The following PCDHGB5 variants were observed in gnomAD, a reference collection of about 807,000 sequenced individuals.
PCDHGB5 encodes the protein protocadherin gamma-B5.
In PCDHGB5, 48 loss-of-function variants were observed where a neutral mutation model predicts 62.9. That is an observed-to-expected ratio of 0.76 (90% CI 0.61 to 0.97). PCDHGB5 has a LOEUF of 0.97. Ranked by LOEUF, PCDHGB5 falls within the 50% of genes least tolerant of loss-of-function variation. The pLI, the probability that PCDHGB5 is intolerant of heterozygous loss-of-function variation, is 0.00. For missense variants in PCDHGB5, 1,118 were observed against 1,198.6 expected (o/e 0.93, Z 0.99); for synonymous variants, 474 against 511.2 (o/e 0.93, Z 0.98).
At chr5:141,462,035 C>T (rs35674654) in intron 1 of PCDHGB5, among the ~76,000 whole-genome samples, 14,886 of 152,176 alleles carry the variant, frequency 0.098, 964 homozygotes, top group Non-Finnish European at 0.14. Context: ...GTTGGTCAGG[C>T]GGGTCTTGAA....
chr5:141,484,603 G>T (rs1460433183), intron 1 of PCDHGB5, among the ~76,000 whole-genome samples: 1 of 152,008 alleles, frequency 6.6e-6, no homozygotes, highest in Non-Finnish European at 1.5e-5. Context: ...TAGAATACTG[G>T]TTGATGACAA....
intron 1 of PCDHGB5, chr5:141,422,357 C>T: frequency 6.4e-7 from 1 of 1,557,656 alleles, no homozygotes; most frequent in South Asian, 1.3e-5. Context: ...GATCAAGATT[C>T]TGGAGAAAAT....
intron 1 of PCDHGB5, chr5:141,428,251 T>C (rs761574102): frequency 1.1e-5 from 10 of 893,496 alleles, no homozygotes; most frequent in Middle Eastern, 2.1e-4. Flanking sequence ...ACTGCCAGAC[T>C]TCAGTGACAG....
At chr5:141,430,383 G>A (rs527531595) in intron 1 of PCDHGB5, among the ~76,000 whole-genome samples, 74 of 138,604 alleles carry the variant, frequency 5.3e-4, no homozygotes, top group Admixed American at 8.6e-4. Flanking sequence ...AGCTCATTGG[G>A]AAAAAAAAAA....
intron 1 of PCDHGB5, chr5:141,413,972 T>G: frequency 6.2e-7 from 1 of 1,613,420 alleles, no homozygotes; most frequent in Non-Finnish European, 8.5e-7. Context: ...ACTCAGCTGC[T>G]GACAGTCACA....
At chr5:141,419,151 C>T (rs2096335413) in intron 1 of PCDHGB5, 2 of 1,613,800 alleles carry the variant, frequency 1.2e-6, no homozygotes, top group African/African-American at 2.7e-5. Context: ...GGCAAGCCTC[C>T]GTTATCCTCC....
chr5:141,478,327 A>G lies in PCDHGB5; in HGVS notation c.2398-16480A>G, dbSNP rs149317962. The G allele has an allele frequency of 9.9e-6, 16 of 1,613,974 alleles. No homozygotes were observed. The African/African-American group carries it at 2.0e-4, about 20-fold the overall frequency. The stretch of plus-strand genomic sequence containing the variant: ...CCCCGGTGAGCTCACTGTACCGAAC[A>G]CCAGGGCCCTCCTTGCACGCGGACG... On this transcript the variant is annotated intron_variant, in intron 1 of 3. Transcript: ENST00000617380.
intron 2 of PCDHGB5, among the ~76,000 whole-genome samples, chr5:141,505,113 G>A (rs1254889990): frequency 6.6e-6 from 1 of 152,178 alleles, no homozygotes; most frequent in East Asian, 1.9e-4. Context: ...AATGAGCCAA[G>A]ATCGCGCCAC....
intron 1 of PCDHGB5, among the ~76,000 whole-genome samples, chr5:141,433,482 C>T (rs935076625): frequency 3.3e-5 from 5 of 152,110 alleles, no homozygotes; most frequent in African/African-American, 9.6e-5. Flanking sequence ...TAGCCTCCTG[C>T]TTCTCCCTCC....
intron 1 of PCDHGB5, among the ~76,000 whole-genome samples, chr5:141,401,851 T>C (rs902809229): frequency 3.9e-5 from 6 of 152,242 alleles, no homozygotes; most frequent in African/African-American, 1.4e-4. Context: ...CACTTACTTT[T>C]AACCTTTCAG....
At chr5:141,450,982 A>G (rs746572732) in intron 1 of PCDHGB5, among the ~76,000 whole-genome samples, 18 of 151,360 alleles carry the variant, frequency 1.2e-4, no homozygotes, top group Non-Finnish European at 1.9e-4. Context: ...GTGCCACCAC[A>G]CCCGGCTAAT....
At chr5:141,422,379 C>G (rs2096644662) in intron 1 of PCDHGB5, 1 of 1,576,826 alleles carries the variant, frequency 6.3e-7, no homozygotes, top group East Asian at 2.2e-5. Flanking sequence ...GTCAAGTCTC[C>G]TGTTTTATTC....
chr5:141,487,623 C>T lies in PCDHGB5; in HGVS notation c.2398-7184C>T, dbSNP rs2099654624. On this transcript the variant is annotated intron_variant, in intron 1 of 3. Coordinates refer to ENST00000617380, the MANE Select transcript of PCDHGB5 (RefSeq NM_018925.3). This position sits in a 1 kb window ranked among gnomAD's most constrained non-coding sequence, Gnocchi z 5.0. The stretch of plus-strand genomic sequence containing the variant: ...CTTCTCTATGGGCTAGAGGTGAGAC[C>T]TTTGCAGGCTCAACAAATGCTTGAG... 6.2e-7 allele frequency: 1 copy of T among 1,614,088 alleles called. No individual in the cohort carries two copies. The highest frequency in any genetic ancestry group is 1.3e-5 in the African/African-American group (1 of 74,930).
intron 1 of PCDHGB5, chr5:141,421,262 GGCT>G (rs748368476): frequency 2.1e-5 from 34 of 1,608,226 alleles, no homozygotes; most frequent in Admixed American, 5.1e-5. Flanking sequence ...GACCGCAGTC[GGCT>G]GCTGCTGCTG....
intron 2 of PCDHGB5, among the ~76,000 whole-genome samples, chr5:141,500,587 C>T (rs1418158417): frequency 6.6e-5 from 10 of 152,170 alleles, no homozygotes; most frequent in South Asian, 2.1e-4. Flanking sequence ...ACACTTTATT[C>T]ACATATTAAG....
At chr5:141,506,829 T>C (rs1449718553) in intron 3 of PCDHGB5, among the ~76,000 whole-genome samples, 1 of 152,182 alleles carries the variant, frequency 6.6e-6, no homozygotes, top group African/African-American at 2.4e-5. Context: ...CATGAACTGA[T>C]AGCCCTGCCC....
chr5:141,484,653 C>G (rs2099598614), intron 1 of PCDHGB5, among the ~76,000 whole-genome samples: 1 of 152,036 alleles, frequency 6.6e-6, no homozygotes, highest in Non-Finnish European at 1.5e-5. Flanking sequence ...AATGGCTACT[C>G]TCCCTCTCAG....
At chr5:141,415,747 T>G (rs774746065) in intron 1 of PCDHGB5, 22 of 797,580 alleles carry the variant, frequency 2.8e-5, no homozygotes, top group Middle Eastern at 5.1e-4. Context: ...AAGGTTTTTT[T>G]TTTTTTTTTT....
chr5:141,444,997 A>G (rs2154560871), intron 1 of PCDHGB5, among the ~76,000 whole-genome samples: 1 of 152,292 alleles, frequency 6.6e-6, no homozygotes, highest in Admixed American at 6.5e-5. Context: ...ATATATTTCC[A>G]TTTAATTAGG....
Sources: gnomAD v4.1 joint callset for allele counts (sites outside exome capture counted in the v4.1 genomes callset) on GRCh38, gnomAD v4.1.1 for gene constraint, Gnocchi (gnomAD v3.1) non-coding constraint, MANE v1.5 for transcripts, NCBI Gene and HGNC (gene_info 2026-07-23, HGNC 2026-07-21) for gene names.